The following RAB3C variants were observed in gnomAD, a reference collection of about 807,000 sequenced individuals.
RAB3C encodes the protein RAB3C, member RAS oncogene family, also known as ras-related protein Rab-3C.
Under a neutral mutation model 26.4 loss-of-function variants are expected in RAB3C, and 17 were observed. The ratio of observed to expected loss-of-function variants is 0.64; its 90% CI spans 0.44 to 0.97. RAB3C has a LOEUF of 0.97. Ranked by LOEUF, RAB3C falls within the 50% of genes least tolerant of loss-of-function variation. The pLI is 0.00. For synonymous variants in RAB3C, 91 were observed against 95.9 expected, an observed-to-expected ratio of 0.95 and a Z score of 0.30; for missense variants, 242 against 281.9, an observed-to-expected ratio of 0.86 and a Z score of 1.01.
At chr5:58,627,434 C>T (rs1452279430) in intron 2 of RAB3C, among the ~76,000 whole-genome samples, 4 of 79,814 alleles carry the variant, frequency 5.0e-5, no homozygotes, top group Non-Finnish European at 9.5e-5. Flanking sequence ...CACTGCAGTC[C>T]GCAGTCCGGC....
chr5:58,654,446 T>C (rs932820875), intron 2 of RAB3C, among the ~76,000 whole-genome samples: 25 of 152,312 alleles, frequency 1.6e-4, no homozygotes, highest in Middle Eastern at 3.4e-3. Context: ...AGAGTATATA[T>C]GTGATTATGC....
chr5:58,612,536 A>ATATATATATGTATATATATATATATG, intron 1 of RAB3C, among the ~76,000 whole-genome samples: 1 of 96,484 alleles, frequency 1.0e-5, no homozygotes, highest in Non-Finnish European at 2.1e-5. Flanking sequence ...ATATATATAT[A>ATATATATATGTATATATATATATATG]TATATATATA....
chr5:58,835,278 C>A (rs780916795), intron 4 of RAB3C, among the ~76,000 whole-genome samples: 88 of 152,148 alleles, frequency 5.8e-4, no homozygotes, highest in Admixed American at 1.1e-3. Flanking sequence ...TAATTGCCTT[C>A]CTTAACCAAC....
intron 4 of RAB3C, among the ~76,000 whole-genome samples, chr5:58,831,698 G>T (rs1423366): frequency 0.54 from 82,654 of 151,978 alleles, 22,886 homozygotes; most frequent in Middle Eastern, 0.72. Context: ...CTGATATTGG[G>T]AATAGCAGGG....
chr5:58,689,302 A>G, intron 2 of RAB3C: 1 of 152,100 alleles, frequency 6.6e-6, no homozygotes. Context: ...TGCCAACACA[A>G]TATTTCACAA....
At chr5:58,708,830 G>T (rs566024364) in intron 2 of RAB3C, among the ~76,000 whole-genome samples, 1 of 152,296 alleles carries the variant, frequency 6.6e-6, no homozygotes, top group East Asian at 1.9e-4. Flanking sequence ...TTGTGAAGCA[G>T]TGATTTTTGT....
intron 2 of RAB3C, among the ~76,000 whole-genome samples, chr5:58,632,742 A>G (rs1747211138): frequency 6.6e-6 from 1 of 152,144 alleles, no homozygotes; most frequent in African/African-American, 2.4e-5. Context: ...GTATTTGACA[A>G]TGGTTCTACT....
intron 1 of RAB3C, 30 bp downstream of exon 1, chr5:58,583,262 G>A (rs371558137): frequency 1.4e-5 from 23 of 1,613,862 alleles, no homozygotes; most frequent in Non-Finnish European, 1.9e-5. Context: ...GTGGCCTCGG[G>A]AGGAATTGAA....
chr5:58,724,013 A>G (rs1740829326), intron 2 of RAB3C, among the ~76,000 whole-genome samples: 2 of 151,816 alleles, frequency 1.3e-5, no homozygotes, highest in Non-Finnish European at 2.9e-5. Context: ...TAATTACACT[A>G]TAAGGTATAT....
intron 3 of RAB3C, among the ~76,000 whole-genome samples, chr5:58,817,373 A>G (rs1357683288): frequency 6.6e-6 from 1 of 152,074 alleles, no homozygotes; most frequent in Non-Finnish European, 1.5e-5. Context: ...ATCTTTTTAA[A>G]TTTTTCCTTT....
chr5:58,813,970 A>G (rs1743157939), intron 3 of RAB3C, among the ~76,000 whole-genome samples: 1 of 152,186 alleles, frequency 6.6e-6, no homozygotes, highest in Admixed American at 6.5e-5. Flanking sequence ...CAAAGATGAC[A>G]AAAGCAGAGA....
At chr5:58,807,086 G>C (rs1186586860) in intron 3 of RAB3C, among the ~76,000 whole-genome samples, 3 of 152,154 alleles carry the variant, frequency 2.0e-5, no homozygotes, top group South Asian at 4.1e-4. Flanking sequence ...TGTAGAATGG[G>C]AAAATAAAAA....
At chr5:58,619,377 G>A (rs923115547) in intron 2 of RAB3C, among the ~76,000 whole-genome samples, 3 of 152,180 alleles carry the variant, frequency 2.0e-5, no homozygotes, top group African/African-American at 4.8e-5. Context: ...ATTGCTTCAA[G>A]TATGGGTCCT....
At chr5:58,697,541 T>C (rs1156452031) in intron 2 of RAB3C, among the ~76,000 whole-genome samples, 1 of 152,202 alleles carries the variant, frequency 6.6e-6, no homozygotes, top group Non-Finnish European at 1.5e-5. Flanking sequence ...TCTCCCATTA[T>C]TATTGTGTGG....
intron 2 of RAB3C, among the ~76,000 whole-genome samples, chr5:58,718,080 T>C (rs1176984039): frequency 6.6e-6 from 1 of 152,080 alleles, no homozygotes; most frequent in African/African-American, 2.4e-5. Context: ...TTCTCAACCT[T>C]GACTAAAAGC....
chr5:58,798,009 T>C (rs923942075), intron 3 of RAB3C, among the ~76,000 whole-genome samples: 2 of 152,186 alleles, frequency 1.3e-5, no homozygotes, highest in African/African-American at 4.8e-5. Flanking sequence ...ACAAGTCTTA[T>C]GGCAGATACT....
At chr5:58,588,162 T>C (rs1208998065) in intron 1 of RAB3C, among the ~76,000 whole-genome samples, 1 of 152,216 alleles carries the variant, frequency 6.6e-6, no homozygotes, top group African/African-American at 2.4e-5. Flanking sequence ...AGGCTATAAA[T>C]GTTTTTTCTA....
intron 1 of RAB3C, among the ~76,000 whole-genome samples, chr5:58,610,282 G>A (rs1746671700): frequency 6.7e-6 from 1 of 148,482 alleles, no homozygotes; most frequent in Admixed American, 6.8e-5. Flanking sequence ...AGGTCATATG[G>A]TAAATACAAT....
chr5:58,657,931 A>C (rs1211181207), intron 2 of RAB3C, among the ~76,000 whole-genome samples: 2 of 152,208 alleles, frequency 1.3e-5, no homozygotes, highest in South Asian at 2.1e-4. Flanking sequence ...GCCCATGAAA[A>C]ATTTATTTTT....
Sources: gnomAD v4.1 joint callset for allele counts (sites outside exome capture counted in the v4.1 genomes callset) on GRCh38, gnomAD v4.1.1 for gene constraint, MANE v1.5 for transcripts, NCBI Gene and HGNC (gene_info 2026-07-23, HGNC 2026-07-21) for gene names.